KIF6: variants seen among roughly 807,000 people sequenced by gnomAD.
KIF6 encodes kinesin family member 6.
A neutral mutation model predicts 112.7 loss-of-function variants in KIF6; 106 were observed. The ratio of observed to expected loss-of-function variants is 0.94; its 90% CI spans 0.80 to 1.11. The LOEUF (loss-of-function observed/expected upper bound fraction) is 1.11. KIF6 is among the 50% of genes least tolerant of loss of function. The probability of loss-of-function intolerance (pLI) is 0.00; values close to 1 mark genes in which losing one functional copy is unlikely to be tolerated. For synonymous variants in KIF6, 339 were observed against 339.9 expected (o/e 1.00, Z 0.03); for missense variants, 929 against 964.0 (o/e 0.96, Z 0.48).
At chr6:39,423,114 G>A (rs1024704309) in intron 14 of KIF6, among the ~76,000 whole-genome samples, 2 of 152,194 alleles carry the variant, frequency 1.3e-5, no homozygotes, top group Non-Finnish European at 2.9e-5. Context: ...AGATAGCTGG[G>A]TGCAGTTCCA....
At chr6:39,410,622 A>ATT (rs1349928822) in intron 15 of KIF6, among the ~76,000 whole-genome samples, 1 of 152,260 alleles carries the variant, frequency 6.6e-6, no homozygotes, top group African/African-American at 2.4e-5. Context: ...AGATCAATGG[A>ATT]TTTGACTGTA....
At chr6:39,512,361 AGGTATTTCCG>A (rs1272452877) in intron 13 of KIF6, among the ~76,000 whole-genome samples, 1 of 151,982 alleles carries the variant, frequency 6.6e-6, no homozygotes, top group Non-Finnish European at 1.5e-5. Context: ...TAAAGAAGGG[AGGTATTTCCG>A]GGTTTTCTGA....
At chr6:39,480,127 C>T (rs1272447567) in intron 13 of KIF6, among the ~76,000 whole-genome samples, 2 of 152,140 alleles carry the variant, frequency 1.3e-5, no homozygotes, top group Non-Finnish European at 2.9e-5. Flanking sequence ...TTGTCTTGTT[C>T]CAGTTCTCAG....
chr6:39,400,476 C>T (rs890392285), intron 15 of KIF6, among the ~76,000 whole-genome samples: 2 of 152,198 alleles, frequency 1.3e-5, no homozygotes, highest in Non-Finnish European at 2.9e-5. Flanking sequence ...ACTGGCCAGG[C>T]CTTGTGGGCT....
intron 14 of KIF6, among the ~76,000 whole-genome samples, chr6:39,424,287 CTACAA>C (rs762885576): frequency 9.2e-5 from 14 of 152,162 alleles, no homozygotes; most frequent in Non-Finnish European, 2.1e-4. Flanking sequence ...CTGTGCAGGT[CTACAA>C]TACATGACAC....
chr6:39,524,925 T>C (rs1173253850), intron 13 of KIF6, among the ~76,000 whole-genome samples: 1 of 152,202 alleles, frequency 6.6e-6, no homozygotes, highest in African/African-American at 2.4e-5. Context: ...GGCAAAGTAA[T>C]TTGGGGATGC....
At chr6:39,687,549 T>C (rs530379397) in intron 3 of KIF6, among the ~76,000 whole-genome samples, 12 of 152,270 alleles carry the variant, frequency 7.9e-5, no homozygotes, top group Admixed American at 1.3e-4. Context: ...ATAATCAGCA[T>C]CTTTTGAAGT....
chr6:39,417,734 C>T (rs1198020012), intron 15 of KIF6, among the ~76,000 whole-genome samples: 2 of 19,032 alleles, frequency 1.1e-4, no homozygotes, highest in African/African-American at 2.1e-4. Context: ...TTCCATTGTA[C>T]TCAGAGTGAA....
chr6:39,415,301 T>TAAAAAAAA lies in KIF6; in HGVS notation c.1810+4639_1810+4646dup, dbSNP rs5875672. On this transcript the variant is annotated intron_variant, in intron 15 of 22. Coordinates refer to ENST00000287152, the MANE Select transcript of KIF6 (RefSeq NM_145027.6). ...CGCCAATACAGAGATTTTTAAAATGTAAAAAAAAAAAAAAAAAAAAAAAAG... is the reference window on the plus strand; with the variant it reads ...CGCCAATACAGAGATTTTTAAAATGTAAAAAAAAAAAAAAAAAAAAAAAAAAAAAAAAG... 8.9e-4 allele frequency among the ~76,000 whole-genome samples: 80 copies of TAAAAAAAA among 89,402 alleles called. 1 individual carries two copies. The highest frequency in any genetic ancestry group is 1.1e-3 in the Non-Finnish European group (53 of 46,132). The allele number at this position is 89,402 out of a possible 152,430, so 58.7% of individuals were successfully genotyped here.
chr6:39,370,712 C>T (rs1343593180), intron 16 of KIF6, among the ~76,000 whole-genome samples: 1 of 152,130 alleles, frequency 6.6e-6, no homozygotes, highest in Non-Finnish European at 1.5e-5. Context: ...TCCTCTCCCT[C>T]CTTGGGGGTG....
At chr6:39,619,492 T>C (rs745372319) in intron 5 of KIF6, among the ~76,000 whole-genome samples, 11 of 152,300 alleles carry the variant, frequency 7.2e-5, no homozygotes, top group Admixed American at 3.9e-4. Context: ...TAAAGTCATT[T>C]AATGTAATGT....
Position 39,358,157 on chromosome 6 carries a change from C to T in KIF6, c.2083-783G>A, listed in dbSNP as rs145146929. ...GGCATAGATCACAGCTGGTCTAAGT[C>T]TTGGCAGAATGCCCTGTAAGCCTCC... On this transcript the variant is annotated intron_variant, in intron 18 of 22. Transcript: ENST00000287152. 7.2e-5 allele frequency among the ~76,000 whole-genome samples: 11 copies of T among 152,332 alleles called. No homozygotes were observed. In the East Asian group the frequency reaches 2.1e-3, roughly 29 times the overall value.
intron 16 of KIF6, among the ~76,000 whole-genome samples, chr6:39,376,721 T>C (rs889661456): frequency 1.3e-5 from 2 of 152,188 alleles, no homozygotes; most frequent in Non-Finnish European, 2.9e-5. Context: ...ATATGCAGAG[T>C]TCTGTGTGAG....
intron 13 of KIF6, among the ~76,000 whole-genome samples, chr6:39,451,345 A>G (rs1447126076): frequency 6.6e-6 from 1 of 152,218 alleles, no homozygotes; most frequent in African/African-American, 2.4e-5. Flanking sequence ...AGGCTATTTT[A>G]CTGAGGGAGA....
rs1037584489 is a variant in KIF6 at position 39,343,005 on chromosome 6, G to C, written c.2428+704C>G. On this transcript the variant is annotated intron_variant, in intron 22 of 22. Coordinates refer to ENST00000287152, the MANE Select transcript of KIF6 (RefSeq NM_145027.6). The surrounding 1 kb of genome is among the most constrained non-coding windows in gnomAD (Gnocchi z 4.1). ...CCTGCCTAGTAGCCTTTGGGTTATG[G>C]GGAGGAGGCTAAGACAAAATGCAGG... 10 of 985,318 alleles carry C rather than the reference G, an allele frequency of 1.0e-5. No homozygotes were observed. Among genetic ancestry groups the C allele is most frequent in the Non-Finnish European group, 1.2e-5 (10 of 829,932 alleles). 61.0% of individuals were successfully genotyped at this position (985,318 alleles called of 1,614,324 possible).
intron 1 of KIF6, among the ~76,000 whole-genome samples, chr6:39,724,676 C>G (rs1451897070): frequency 3.3e-5 from 5 of 152,174 alleles, no homozygotes; most frequent in Admixed American, 6.5e-5. Context: ...TGTAAAGGTT[C>G]ACGTTTATGT....
intron 3 of KIF6, among the ~76,000 whole-genome samples, chr6:39,663,401 A>C (rs1234702641): frequency 6.6e-6 from 1 of 152,122 alleles, no homozygotes; most frequent in Non-Finnish European, 1.5e-5. Flanking sequence ...GTTAAGCCAT[A>C]AACTGCAGAG....
At chr6:39,348,973 A>C (rs1324286514) in intron 19 of KIF6, among the ~76,000 whole-genome samples, 1 of 152,164 alleles carries the variant, frequency 6.6e-6, no homozygotes, top group Non-Finnish European at 1.5e-5. Context: ...GGACCTTTGC[A>C]CATCTTACAG....
At chr6:39,375,037 G>A (rs902832776) in intron 16 of KIF6, among the ~76,000 whole-genome samples, 2 of 152,148 alleles carry the variant, frequency 1.3e-5, no homozygotes, top group Non-Finnish European at 2.9e-5. Context: ...ACCCTTAAAC[G>A]AGAAGGAAAT....
Sources: allele counts gnomAD v4.1 joint callset (sites outside exome capture counted in the v4.1 genomes callset), GRCh38; gene constraint gnomAD v4.1.1; non-coding constraint Gnocchi (gnomAD v3.1); transcripts MANE v1.5; gene names NCBI Gene and HGNC (gene_info 2026-07-23, HGNC 2026-07-21).